The following ALK variants were observed in gnomAD, a reference collection of about 807,000 sequenced individuals.
The protein encoded by ALK is ALK tyrosine kinase receptor.
In ALK, 74 loss-of-function variants were observed where a neutral mutation model predicts 163.1. The ratio of observed to expected loss-of-function variants is 0.45; its 90% confidence interval spans 0.38 to 0.55. The LOEUF (loss-of-function observed/expected upper bound fraction) is 0.55. ALK is among the 20% of genes least tolerant of loss of function. ALK has a pLI of 0.00. For missense variants in ALK, 2,063 were observed against 2,105.3 expected (o/e 0.98, Z 0.39); for synonymous variants, 960 against 843.2 (o/e 1.14, Z -2.40).
intron 1 of ALK, among the ~76,000 whole-genome samples, chr2:29,822,206 G>A (rs558402967): frequency 5.3e-5 from 8 of 152,276 alleles, no homozygotes; most frequent in African/African-American, 1.9e-4. Flanking sequence ...ATAATCCAAG[G>A]CCTCATCCCT....
rs372791052 is a variant in ALK, at chr2:29,421,871, C to T, written c.1155-38012G>A. Among the ~76,000 whole-genome samples, 30 of 151,772 alleles carry T rather than the reference C, an allele frequency of 2.0e-4. No individual in the cohort carries two copies. In the East Asian group the frequency reaches 5.6e-3, roughly 28 times the overall value. On this transcript the variant is annotated intron_variant, in intron 4 of 28. Transcript: ENST00000389048. Reference sequence around the variant, plus strand: ...AGCCCCATTCTGCAAATCGGAAACTCTACAGAACACCCCACTGTAATATCT... The same window carrying T: ...AGCCCCATTCTGCAAATCGGAAACTTTACAGAACACCCCACTGTAATATCT...
At chr2:29,500,018 A>C (rs1003872620) in intron 4 of ALK, among the ~76,000 whole-genome samples, 21 of 151,776 alleles carry the variant, frequency 1.4e-4, no homozygotes, top group African/African-American at 5.1e-4. Context: ...CTGTTCCTTA[A>C]GGTTGGATGG....
At chr2:29,706,620 C>T (rs781365286) in intron 2 of ALK, among the ~76,000 whole-genome samples, 9 of 152,218 alleles carry the variant, frequency 5.9e-5, no homozygotes, top group Non-Finnish European at 1.2e-4. Flanking sequence ...TACATGAACA[C>T]AGCCTCAGAG....
At chr2:29,219,720 G>A (rs760000623) in intron 23 of ALK, among the ~76,000 whole-genome samples, 1 of 152,198 alleles carries the variant, frequency 6.6e-6, no homozygotes, top group Non-Finnish European at 1.5e-5. Context: ...AGATGTTCTA[G>A]TCCAATCCTC....
At chr2:29,465,330 T>A (rs1452370907) in intron 4 of ALK, among the ~76,000 whole-genome samples, 1 of 152,216 alleles carries the variant, frequency 6.6e-6, no homozygotes, top group Non-Finnish European at 1.5e-5. Context: ...ATATTCAACA[T>A]AAACATCCTT....
intron 3 of ALK, among the ~76,000 whole-genome samples, chr2:29,691,998 G>C (rs1678413374): frequency 6.6e-6 from 1 of 152,140 alleles, no homozygotes; most frequent in South Asian, 2.1e-4. Context: ...AATGTTTCTA[G>C]AGGTCAAGTG....
chr2:29,401,902 C>T (rs1669454583), intron 4 of ALK, among the ~76,000 whole-genome samples: 1 of 152,218 alleles, frequency 6.6e-6, no homozygotes, highest in Admixed American at 6.5e-5. Context: ...AAATTTAAAA[C>T]TCCCCAGTGG....
intron 1 of ALK, among the ~76,000 whole-genome samples, chr2:29,760,384 G>T (rs942572639): frequency 2.0e-5 from 3 of 152,132 alleles, no homozygotes; most frequent in African/African-American, 7.2e-5. Flanking sequence ...GATAATAATA[G>T]TACTTACATT....
chr2:29,408,782 G>T (rs1006613014), intron 4 of ALK, among the ~76,000 whole-genome samples: 1 of 152,168 alleles, frequency 6.6e-6, no homozygotes, highest in Non-Finnish European at 1.5e-5. Flanking sequence ...GCTGAGAAGG[G>T]AGGCATTCTG....
intron 5 of ALK, among the ~76,000 whole-genome samples, chr2:29,382,440 A>T (rs79751051): frequency 0.071 from 10,872 of 152,230 alleles, 495 homozygotes; most frequent in Non-Finnish European, 0.11. Flanking sequence ...AATTTTTTTC[A>T]GGTCAAGAAA....
At chr2:29,813,685 A>G (rs1290538669) in intron 1 of ALK, among the ~76,000 whole-genome samples, 1 of 152,224 alleles carries the variant, frequency 6.6e-6, no homozygotes, top group Non-Finnish European at 1.5e-5. Flanking sequence ...ATCAGCTTGT[A>G]ACCCGGACCC....
chr2:29,531,968 G>C lies in ALK; in HGVS notation c.1101C>G (p.Pro367=). The change falls in exon 4 of 29, where the codon CCC becomes CCG. Residue 367 remains proline, a synonymous_variant. Transcript: ENST00000389048. The part of the protein sequence containing the change: ...PSGRYIAQLL[P]HNEAAREILL... ...GGATCTCTCTTGCAGCCTCGTTGTG[G>C]GGCAGCAGCTGGGCAATGTACCTTC... The C allele has an allele frequency of 6.2e-7, 1 of 1,614,142 alleles. No individual in the cohort carries two copies. The highest frequency in any genetic ancestry group is 1.1e-5 in the South Asian group (1 of 91,076).
At chr2:29,346,588 G>A (rs144934390) in intron 5 of ALK, among the ~76,000 whole-genome samples, 6 of 152,352 alleles carry the variant, frequency 3.9e-5, no homozygotes, top group African/African-American at 7.2e-5. Flanking sequence ...TTGCTACTTC[G>A]TTTCACAGTG....
chr2:29,565,484 C>G (rs1674152495), intron 3 of ALK, among the ~76,000 whole-genome samples: 1 of 152,182 alleles, frequency 6.6e-6, no homozygotes, highest in South Asian at 2.1e-4. Context: ...AACCAGGTAT[C>G]AAGCAGGTGG....
chr2:29,324,811 G>A (rs1667201364), intron 6 of ALK, among the ~76,000 whole-genome samples: 1 of 152,212 alleles, frequency 6.6e-6, no homozygotes, highest in African/African-American at 2.4e-5. Context: ...ATGCAGGAGT[G>A]GCTGTATTGG....
intron 4 of ALK, among the ~76,000 whole-genome samples, chr2:29,446,098 C>CAAA (rs60360983): frequency 2.9e-4 from 5 of 17,218 alleles, no homozygotes; most frequent in African/African-American, 3.6e-4. Flanking sequence ...GACTCCGTCT[C>CAAA]AAAAAAAAAA....
At chr2:29,276,443 C>T (rs1357802719) in intron 9 of ALK, among the ~76,000 whole-genome samples, 1 of 152,180 alleles carries the variant, frequency 6.6e-6, no homozygotes, top group Non-Finnish European at 1.5e-5. Flanking sequence ...GCAGAGTCAG[C>T]TGGCCCTTTC....
chr2:29,475,733 G>C (rs1671500612), intron 4 of ALK, among the ~76,000 whole-genome samples: 1 of 152,202 alleles, frequency 6.6e-6, no homozygotes, highest in African/African-American at 2.4e-5. Context: ...ATTTAAGACA[G>C]CCTAGAGCAC....
intron 20 of ALK, 34 bp from the exon 21 acceptor site, chr2:29,222,641 C>T: frequency 6.3e-7 from 1 of 1,595,206 alleles, no homozygotes; most frequent in Non-Finnish European, 8.6e-7. Context: ...GAGACAGAGT[C>T]AAACAGGCCA....
Sources: gnomAD v4.1 joint callset for allele counts (sites outside exome capture counted in the v4.1 genomes callset) on GRCh38, gnomAD v4.1.1 for gene constraint, MANE v1.5 for transcripts, NCBI Gene and HGNC (gene_info 2026-07-23, HGNC 2026-07-21) for gene names.